GNAS: variants seen among roughly 807,000 people sequenced by gnomAD.
GNAS encodes the protein GNAS complex locus.
In GNAS, 8 loss-of-function variants were observed where a neutral mutation model predicts 54.5. The ratio of observed to expected loss-of-function variants is 0.15; its 90% confidence interval spans 0.09 to 0.26. The LOEUF is 0.26. Ranked by LOEUF, GNAS falls within the 10% of genes least tolerant of loss-of-function variation. The probability of loss-of-function intolerance (pLI) is 1.00; values close to 1 mark genes in which losing one functional copy is unlikely to be tolerated. For missense variants in GNAS, 170 were observed against 529.8 expected, an observed-to-expected ratio of 0.32 and a Z score of 6.67; for synonymous variants, 204 against 191.4, an observed-to-expected ratio of 1.07 and a Z score of -0.54.
At chr20:58,852,774 G>T in intron 1 of GNAS, 1 of 222,574 alleles carries the variant, frequency 4.5e-6, no homozygotes. Flanking sequence ...TGCGAGGCCT[G>T]CGCTCACCAG....
chr20:58,849,596 C>G (rs1317656799), intron 1 of GNAS, among the ~76,000 whole-genome samples: 1 of 152,208 alleles, frequency 6.6e-6, no homozygotes, highest in East Asian at 1.9e-4. Flanking sequence ...AAAACCAAAT[C>G]AGCACTGCCA....
chr20:58,847,723 C>T (rs1013671390), intron 1 of GNAS, among the ~76,000 whole-genome samples: 1 of 152,188 alleles, frequency 6.6e-6, no homozygotes, highest in African/African-American at 2.4e-5. Flanking sequence ...TACTGTTTTT[C>T]GTGGTTTCTG....
chr20:58,871,979 C>A (rs374772634), intron 1 of GNAS, among the ~76,000 whole-genome samples: 1 of 152,042 alleles, frequency 6.6e-6, no homozygotes, highest in African/African-American at 2.4e-5. Context: ...GACAGGAGTA[C>A]GGGGAGGAGA....
At chr20:58,906,293 AAC>A (rs779753444) in intron 6 of GNAS, among the ~76,000 whole-genome samples, 2 of 152,132 alleles carry the variant, frequency 1.3e-5, no homozygotes, top group Non-Finnish European at 2.9e-5. Context: ...GGGAACTTAA[AAC>A]ACAGACTTTA....
intron 1 of GNAS, among the ~76,000 whole-genome samples, chr20:58,874,694 T>G (rs6026573): frequency 3.4e-5 from 5 of 145,066 alleles, no homozygotes; most frequent in Non-Finnish European, 3.0e-5. Context: ...CTTCTATCTT[T>G]GCTCCTGGCC....
rs770736594 is a variant in GNAS at position 58,891,746 on chromosome 20, G to A, written c.20G>A (p.Ser7Asn). The A allele has an allele frequency of 8.1e-7, 1 of 1,232,162 alleles. No individual in the cohort carries two copies. The highest frequency in any genetic ancestry group is 2.3e-5 in the Admixed American group (1 of 43,736). The allele number at this position is 1,232,162 out of a possible 1,614,324, so 76.3% of individuals were successfully genotyped here. A position where few individuals can be genotyped will look rare whatever the true frequency, so the allele number is the denominator to read the frequency against. ...GCCGCCATGGGCTGCCTCGGGAACAGTAAGACCGAGGACCAGCGCAACGAG... is the reference window on the plus strand; with the variant it reads ...GCCGCCATGGGCTGCCTCGGGAACAATAAGACCGAGGACCAGCGCAACGAG... MGCLGNSKTEDQRNEEK... is the reference protein window; with the variant it reads MGCLGNNKTEDQRNEEK... Residue 7 changes from serine to asparagine, a missense_variant, in exon 1 of 13, where the codon AGT (serine) becomes AAT (asparagine). Ser to Asn is a conservative substitution (Grantham distance 46, BLOSUM62 1). Around this residue, in one of 3 missense-constraint regions of GNAS, gnomAD observed 56 missense variants for 55.7 expected, o/e 1.01. Transcript: ENST00000371085.
upstream of GNAS, chr20:58,889,197 G>C: frequency 8.2e-7 from 1 of 1,212,560 alleles, no homozygotes; most frequent in Non-Finnish European, 1.1e-6. Context: ...TCGGCACCGC[G>C]GAGCGGGCTG....
At chr20:58,892,016 A>C (rs1326030283) in intron 1 of GNAS, 151 bp downstream of exon 1, 1 of 795,148 alleles carries the variant, frequency 1.3e-6, no homozygotes, top group East Asian at 1.3e-4. Flanking sequence ...GCGAGGCCGG[A>C]AGGGGGACCC....
At chr20:58,879,167 A>T (rs2088052805) in intron 1 of GNAS, among the ~76,000 whole-genome samples, 3 of 152,216 alleles carry the variant, frequency 2.0e-5, no homozygotes, top group African/African-American at 7.2e-5. Flanking sequence ...TGTCACAATT[A>T]ATATTGTTTG....
rs201909122 is a variant in GNAS at position 58,895,694 on chromosome 20, A to T, written c.212+10A>T. ...ATGGGTTTAATGGAGAGTAAGTGTC[A>T]AATCTGTGCAGGGGGGCACCAAGTA... On this transcript the variant is annotated intron_variant, in intron 2 of 12. Coordinates refer to ENST00000371085, the MANE Select transcript of GNAS (RefSeq NM_000516.7). 1.2e-5 allele frequency: 18 copies of T among 1,483,066 alleles called. No homozygotes were observed. Among genetic ancestry groups the T allele is most frequent in the Non-Finnish European group, 1.7e-5 (18 of 1,059,968 alleles). 91.9% of individuals were successfully genotyped at this position (1,483,066 alleles called of 1,614,324 possible). A position where few individuals can be genotyped will look rare whatever the true frequency, so the allele number is the denominator to read the frequency against.
At chr20:58,850,322 T>C (rs74327964) in intron 1 of GNAS, among the ~76,000 whole-genome samples, 1 of 152,356 alleles carries the variant, frequency 6.6e-6, no homozygotes, top group East Asian at 1.9e-4. Flanking sequence ...GTCACCTCCA[T>C]GCATGTGCTC....
chr20:58,858,812 A>T (rs2086628312), intron 1 of GNAS, among the ~76,000 whole-genome samples: 1 of 151,974 alleles, frequency 6.6e-6, no homozygotes, highest in African/African-American at 2.4e-5. Context: ...CTCTTTTTTA[A>T]CATACAGCCA....
At chr20:58,864,752 T>A (rs761379081) in intron 1 of GNAS, among the ~76,000 whole-genome samples, 81 of 152,176 alleles carry the variant, frequency 5.3e-4, no homozygotes, top group Non-Finnish European at 1.1e-3. Context: ...CAGACCAGCT[T>A]TTTACTTTTA....
rs2088207365 is a variant in GNAS at position 58,881,343 on chromosome 20, T to TC, written c.44-14269_44-14268insC. 2.0e-5 allele frequency among the ~76,000 whole-genome samples: 3 copies of TC among 152,170 alleles called. No individual in the cohort carries two copies. The South Asian group carries it at 6.2e-4, about 31-fold the overall frequency. ...GGGTCCCAATTAAGTTTTATATCCATTTCCTTTGTATGGTTGAGCTATTTG... is the reference window on the plus strand; with the variant it reads ...GGGTCCCAATTAAGTTTTATATCCATCTTCCTTTGTATGGTTGAGCTATTTG... On this transcript the variant is annotated intron_variant, in intron 1 of 12. Transcript: ENST00000306090.
At chr20:58,905,548 G>T in intron 6 of GNAS, 68 bp downstream of exon 6, 1 of 900,088 alleles carries the variant, frequency 1.1e-6, no homozygotes. Flanking sequence ...GAAAACCTGT[G>T]ATCCTGCTTT....
upstream of GNAS, chr20:58,889,050 C>T (rs938011515): frequency 3.0e-4 from 305 of 1,001,018 alleles, no homozygotes; most frequent in Admixed American, 9.5e-4. Context: ...CATTTGGGTG[C>T]GTCCCCGGTG....
chr20:58,879,685 A>G (rs6100261), intron 1 of GNAS, among the ~76,000 whole-genome samples: 1 of 152,124 alleles, frequency 6.6e-6, no homozygotes, highest in Admixed American at 6.5e-5. Flanking sequence ...TGCTGCAGCC[A>G]TCTGAAATCG....
Position 58,909,921 on chromosome 20 carries a change from C to T in GNAS, c.840-30C>T, listed in dbSNP as rs2146288413. The T allele has an allele frequency of 6.2e-7, 1 of 1,613,860 alleles. No individual in the cohort carries two copies. The highest frequency in any genetic ancestry group is 8.5e-7 in the Non-Finnish European group (1 of 1,179,826). On this transcript the variant is annotated intron_variant, in intron 10 of 12. Coordinates refer to ENST00000371085, the MANE Select transcript of GNAS (RefSeq NM_000516.7). The surrounding 1 kb of genome is among the most constrained non-coding windows in gnomAD (Gnocchi z 7.3). ...CCCCTGGCCGAAAGCGCGCTTCTCC[C>T]AAGCATTCACACGGCCTCCCTTCTT...
At chr20:58,849,969 T>A (rs563665657) in intron 1 of GNAS, among the ~76,000 whole-genome samples, 1 of 152,262 alleles carries the variant, frequency 6.6e-6, no homozygotes, top group African/African-American at 2.4e-5. Context: ...GCCCTCATAC[T>A]CCATGGCATC....
Sources: allele counts gnomAD v4.1 joint callset (sites outside exome capture counted in the v4.1 genomes callset), GRCh38; gene constraint gnomAD v4.1.1; regional missense constraint gnomAD v4.1.1; non-coding constraint Gnocchi (gnomAD v3.1); transcripts MANE v1.5; gene names NCBI Gene and HGNC (gene_info 2026-07-23, HGNC 2026-07-21).